Variants in ZNF175 observed in about 807,000 individuals in gnomAD.
The protein encoded by ZNF175 is zinc finger protein OTK18.
A neutral mutation model predicts 14.0 loss-of-function variants in ZNF175; 8 were observed. The ratio of observed to expected loss-of-function variants is 0.57; its 90% confidence interval spans 0.34 to 1.03. The LOEUF is 1.03. Among genes scored for constraint, ZNF175 ranks in the 50% least tolerant of loss-of-function variants. The pLI is 0.03. For missense variants in ZNF175, 764 were observed against 849.5 expected, an observed-to-expected ratio of 0.90 and a Z score of 1.25; for synonymous variants, 255 against 296.8, an observed-to-expected ratio of 0.86 and a Z score of 1.45.
In ZNF175 at chr19:51,581,510, C is replaced by T. The variant is rs1243756282; in HGVS notation, c.192C>T (p.Phe64=). 16 of 1,612,604 alleles carry T rather than the reference C, an allele frequency of 9.9e-6. No homozygotes were observed. The highest frequency in any genetic ancestry group is 1.3e-5 in the African/African-American group (1 of 74,880). ...DVMLELYSHL[F]AVGYHIPNPE... ...TGCTGGAGCTCTATAGCCATCTCTTCGCAGTGGGTGAGCACAACTGACCTG... is the reference window on the plus strand; with the variant it reads ...TGCTGGAGCTCTATAGCCATCTCTTTGCAGTGGGTGAGCACAACTGACCTG... The change falls in exon 3 of 5, where the codon TTC becomes TTT. Residue 64 remains phenylalanine, a synonymous_variant. Transcript: ENST00000262259.
At position 51,592,362 on chromosome 19, in the gene ZNF175, C is replaced by T. The variant is rs1174021175; in HGVS notation, c.*3895C>T. ...TAATAATAGATCTCGCCTTGTGGCTCCTTTGCAGATTACATGCGTTAATTA... is the reference window on the plus strand; with the variant it reads ...TAATAATAGATCTCGCCTTGTGGCTTCTTTGCAGATTACATGCGTTAATTA... On this transcript the variant is annotated 3_prime_UTR_variant, in exon 5 of 5. Transcript: ENST00000262259. 2 of 379,146 alleles carry T rather than the reference C, an allele frequency of 5.3e-6. No homozygotes were observed. Among genetic ancestry groups the T allele is most frequent in the Middle Eastern group, 1.4e-3 (2 of 1,472 alleles). The allele number at this position is 379,146 out of a possible 1,614,324, so 23.5% of individuals were successfully genotyped here.
At chr19:51,584,096 T>C (rs112735728) in intron 4 of ZNF175, among the ~76,000 whole-genome samples, 3,456 of 152,320 alleles carry the variant, frequency 0.023, 61 homozygotes, top group Non-Finnish European at 0.032. Flanking sequence ...GAGAGGACAA[T>C]GGCATTAAAT....
chr19:51,587,703 C>A lies in ZNF175; in HGVS notation c.1372C>A (p.Gln458Lys). Reference sequence around the variant, plus strand: ...TATCGAATGCGGGCAGGCCTTCATCCAGAAGGCACACCTGATTGTCCATCA... The same window carrying A: ...TATCGAATGCGGGCAGGCCTTCATCAAGAAGGCACACCTGATTGTCCATCA... ...VCIECGQAFI[Q>K]KAHLIVHQRS... The change falls in exon 5 of 5, where the codon CAG (glutamine) becomes AAG (lysine). Residue 458 changes from glutamine (Q) to lysine (K), a missense_variant. By Grantham distance (53) the Gln-to-Lys change is moderately conservative. Coordinates refer to ENST00000262259, the MANE Select transcript of ZNF175 (RefSeq NM_007147.4). The A allele has an allele frequency of 6.2e-7, 1 of 1,614,032 alleles. No homozygotes were observed. The highest frequency in any genetic ancestry group is 8.5e-7 in the Non-Finnish European group (1 of 1,180,004).
At chr19:51,577,198 C>T (rs1314579476) in intron 2 of ZNF175, among the ~76,000 whole-genome samples, 1 of 152,158 alleles carries the variant, frequency 6.6e-6, no homozygotes, top group Non-Finnish European at 1.5e-5. Flanking sequence ...CGGAAAATGA[C>T]TTGATTTACC....
Position 51,573,507 on chromosome 19 carries a change from A to G in ZNF175, c.72+106A>G, listed in dbSNP as rs775038192. 16 of 1,077,948 alleles carry G rather than the reference A, an allele frequency of 1.5e-5. No individual in the cohort carries two copies. The African/African-American group carries it at 2.2e-4, about 15-fold the overall frequency. The allele number at this position is 1,077,948 out of a possible 1,614,324, so 66.8% of individuals were successfully genotyped here. The stretch of plus-strand genomic sequence containing the variant: ...CTGAGTCAGTCTTGAGCCTCCTGTC[A>G]AGCGAGGACCACAGAGGCTGATGTT... On this transcript the variant is annotated intron_variant, in intron 2 of 4. Coordinates refer to ENST00000262259, the MANE Select transcript of ZNF175 (RefSeq NM_007147.4).
intron 4 of ZNF175, among the ~76,000 whole-genome samples, chr19:51,585,353 C>T (rs1201989981): frequency 6.6e-6 from 1 of 152,122 alleles, no homozygotes; most frequent in African/African-American, 2.4e-5. Flanking sequence ...TACAGCATTT[C>T]AGTTTTGCAA....
rs1463637360 is a variant in ZNF175 at position 51,592,412 on chromosome 19, G to A, written c.*3945G>A. On this transcript the variant is annotated 3_prime_UTR_variant, in exon 5 of 5. Transcript: ENST00000262259. The stretch of plus-strand genomic sequence containing the variant: ...ATGTAAAGTCAAGCATTAGAATGGT[G>A]GCTGTCCACCATGAGTACAACACAA... 1 of 481,242 alleles carries A rather than the reference G, an allele frequency of 2.1e-6. No homozygotes were observed. Among genetic ancestry groups the A allele is most frequent in the Non-Finnish European group, 3.6e-6 (1 of 276,678 alleles). 29.8% of individuals were successfully genotyped at this position (481,242 alleles called of 1,614,324 possible).
chr19:51,576,499 A>T (rs1981793877), intron 2 of ZNF175, among the ~76,000 whole-genome samples: 6 of 152,076 alleles, frequency 3.9e-5, no homozygotes, highest in Admixed American at 3.9e-4. Flanking sequence ...TGCTGCCATT[A>T]TCCCCCCTTT....
At chr19:51,574,118 A>T (rs1981691199) in intron 2 of ZNF175, 1 of 152,282 alleles carries the variant, frequency 6.6e-6, no homozygotes, top group Admixed American at 6.5e-5. Flanking sequence ...ACAGTGTACC[A>T]TTGTTCTGTG....
In ZNF175 at chr19:51,586,740, G is replaced by T. The variant is rs1161784442; in HGVS notation, c.409G>T (p.Glu137Ter). ...TGGTTCATGGTGTTCCATTTTAGAA[G>T]AACTGAGGCTGGATGCTGACCGCAC... The part of the protein sequence containing the change: ...RDGSWCSILE[E>*]LRLDADRTKK... The change falls in exon 5 of 5, where the codon GAA (glutamate) becomes TAA (stop). Residue 137 changes from glutamate to a stop codon, truncating the protein, a stop_gained. Coordinates refer to ENST00000262259, the MANE Select transcript of ZNF175 (RefSeq NM_007147.4). LOFTEE classifies it low-confidence loss of function (END_TRUNC). 12 of 1,614,108 alleles carry T rather than the reference G, an allele frequency of 7.4e-6. No individual in the cohort carries two copies. The highest frequency in any genetic ancestry group is 9.3e-6 in the Non-Finnish European group (11 of 1,180,036).
intron 2 of ZNF175, 92 bp downstream of exon 2, chr19:51,573,493 T>C: frequency 7.9e-7 from 1 of 1,260,306 alleles, no homozygotes; most frequent in African/African-American, 1.5e-5. Flanking sequence ...TGAGTCAGTC[T>C]TGAGCCTCCT....
At chr19:51,571,818 G>A (rs572388431) in intron 1 of ZNF175, among the ~76,000 whole-genome samples, 1 of 152,292 alleles carries the variant, frequency 6.6e-6, no homozygotes, top group East Asian at 1.9e-4. Context: ...AGCTTCAGAG[G>A]TTGGAGGACT....
At chr19:51,583,088 C>G (rs4802816) in intron 4 of ZNF175, among the ~76,000 whole-genome samples, 11 of 152,116 alleles carry the variant, frequency 7.2e-5, no homozygotes, top group South Asian at 6.2e-4. Context: ...CTCCCGACCT[C>G]AGGTGTTCCG....
chr19:51,581,899 C>G lies in ZNF175; in HGVS notation c.295+17C>G. ...GGTGTCAAGGTGAGTAAGTTGTACC[C>G]GGGCAAATGTAGATATCTTTGCAGG... On this transcript the variant is annotated intron_variant, in intron 4 of 4. Transcript: ENST00000262259. 1 of 1,606,926 alleles carries G rather than the reference C, an allele frequency of 6.2e-7. No individual in the cohort carries two copies. The highest frequency in any genetic ancestry group is 8.5e-7 in the Non-Finnish European group (1 of 1,174,570).
chr19:51,574,141 C>T (rs1267931602), intron 2 of ZNF175: 1 of 151,946 alleles, frequency 6.6e-6, no homozygotes, highest in African/African-American at 2.4e-5. Flanking sequence ...GGGTTTATAA[C>T]CAAATTTACA....
chr19:51,589,447 C>G lies in ZNF175; in HGVS notation c.*980C>G. 1 of 638,644 alleles carries G rather than the reference C, an allele frequency of 1.6e-6. No individual in the cohort carries two copies. The highest frequency in any genetic ancestry group is 2.8e-6 in the Non-Finnish European group (1 of 355,492). 39.6% of individuals were successfully genotyped at this position (638,644 alleles called of 1,614,324 possible). ...AGGTTGTATCAACAATGATTAACTC[C>G]TTTATTATACATACACATGAATGTG... On this transcript the variant is annotated 3_prime_UTR_variant, in exon 5 of 5. Transcript: ENST00000262259.
rs1982382442 is a variant in ZNF175 at position 51,592,469 on chromosome 19, A to G, written c.*4002A>G. The G allele has an allele frequency of 1.8e-6, 1 of 556,438 alleles. No homozygotes were observed. Among genetic ancestry groups the G allele is most frequent in the Admixed American group, 3.5e-5 (1 of 28,456 alleles). 34.5% of individuals were successfully genotyped at this position (556,438 alleles called of 1,614,324 possible). On this transcript the variant is annotated 3_prime_UTR_variant, in exon 5 of 5. Transcript: ENST00000262259. ...GTTCTTAATGATTCAACAAACATGG[A>G]ATTTCATTAAATCTGAAATAAAGGT...
chr19:51,589,502 T>A lies in ZNF175; in HGVS notation c.*1035T>A, dbSNP rs1481621898. ...TTTGGTAAATGCATAAATGAGATTCTATAATGTTTACTGATCTTTATATTA... is the reference window on the plus strand; with the variant it reads ...TTTGGTAAATGCATAAATGAGATTCAATAATGTTTACTGATCTTTATATTA... On this transcript the variant is annotated 3_prime_UTR_variant, in exon 5 of 5. Coordinates refer to ENST00000262259, the MANE Select transcript of ZNF175 (RefSeq NM_007147.4). 1.4e-6 allele frequency: 1 copy of A among 698,110 alleles called. No homozygotes were observed. The highest frequency in any genetic ancestry group is 2.0e-5 in the Admixed American group (1 of 49,000). 43.2% of individuals were successfully genotyped at this position (698,110 alleles called of 1,614,324 possible).
At chr19:51,573,742 A>C (rs532302986) in intron 2 of ZNF175, 32 of 391,220 alleles carry the variant, frequency 8.2e-5, no homozygotes, top group African/African-American at 6.4e-4. Flanking sequence ...AAAAATTTCA[A>C]GTGGTCCCCC....
Sources: allele counts gnomAD v4.1 joint callset (sites outside exome capture counted in the v4.1 genomes callset), GRCh38; gene constraint gnomAD v4.1.1; transcripts MANE v1.5; gene names NCBI Gene and HGNC (gene_info 2026-07-23, HGNC 2026-07-21).